The following SPATS2L variants were observed in gnomAD, a reference collection of about 807,000 sequenced individuals.
SPATS2L encodes spermatogenesis associated serine rich 2 like.
A neutral mutation model predicts 59.6 loss-of-function variants in SPATS2L; 30 were observed. That is an observed-to-expected ratio of 0.50 (90% CI 0.38 to 0.68). SPATS2L has a LOEUF of 0.68. SPATS2L is among the 30% of genes least tolerant of loss of function. The pLI is 0.00. For missense variants in SPATS2L, 615 were observed against 700.0 expected, an observed-to-expected ratio of 0.88 and a Z score of 1.37; for synonymous variants, 252 against 263.5, an observed-to-expected ratio of 0.96 and a Z score of 0.42.
At chr2:200,408,721 C>T (rs548881541) in intron 3 of SPATS2L, among the ~76,000 whole-genome samples, 26 of 152,358 alleles carry the variant, frequency 1.7e-4, no homozygotes, top group African/African-American at 6.3e-4. Flanking sequence ...CCATGAAAGT[C>T]ACACTGCCTC....
intron 1 of SPATS2L, among the ~76,000 whole-genome samples, chr2:200,314,220 C>G (rs1192283506): frequency 1.3e-5 from 2 of 152,214 alleles, no homozygotes; most frequent in African/African-American, 4.8e-5. Flanking sequence ...TGTTTTCTAT[C>G]TCAATGAATG....
intron 1 of SPATS2L, 118 bp from the exon 2 acceptor site, chr2:200,329,313 G>T: frequency 2.4e-6 from 2 of 831,868 alleles, no homozygotes; most frequent in Non-Finnish European, 4.0e-6. Context: ...GGGTGAGGAC[G>T]AATTCCCTGT....
intron 2 of SPATS2L, among the ~76,000 whole-genome samples, chr2:200,382,379 A>T (rs895314161): frequency 6.6e-6 from 1 of 152,154 alleles, no homozygotes; most frequent in Non-Finnish European, 1.5e-5. Context: ...CCAGCCAAAA[A>T]TAGCCATTTC....
chr2:200,421,841 A>G (rs2083318204), intron 6 of SPATS2L, among the ~76,000 whole-genome samples: 1 of 149,102 alleles, frequency 6.7e-6, no homozygotes, highest in Non-Finnish European at 1.5e-5. Flanking sequence ...CTTTCACATG[A>G]ATTACTTTCA....
At chr2:200,470,507 A>G (rs2086946306) in intron 11 of SPATS2L, among the ~76,000 whole-genome samples, 1 of 152,204 alleles carries the variant, frequency 6.6e-6, no homozygotes, top group Admixed American at 6.5e-5. Flanking sequence ...TCACTCAGCC[A>G]TTAGCTTTAG....
intron 2 of SPATS2L, among the ~76,000 whole-genome samples, chr2:200,359,317 C>G (rs1041548799): frequency 1.3e-5 from 2 of 152,162 alleles, no homozygotes; most frequent in Non-Finnish European, 2.9e-5. Context: ...TCACTACAGA[C>G]TCTTCTGAGC....
intron 5 of SPATS2L, among the ~76,000 whole-genome samples, chr2:200,418,431 G>A (rs2083158229): frequency 6.6e-6 from 1 of 152,014 alleles, no homozygotes; most frequent in African/African-American, 2.4e-5. Flanking sequence ...AAAAATAGCT[G>A]CATGTGGTGG....
chr2:200,315,806 A>T (rs942873441), intron 1 of SPATS2L, among the ~76,000 whole-genome samples: 1 of 149,392 alleles, frequency 6.7e-6, no homozygotes, highest in African/African-American at 2.5e-5. Context: ...GCCTTAAGAG[A>T]TATGCAGAGC....
intron 6 of SPATS2L, among the ~76,000 whole-genome samples, chr2:200,422,686 A>T (rs1237711612): frequency 6.6e-6 from 1 of 152,304 alleles, no homozygotes; most frequent in East Asian, 1.9e-4. Flanking sequence ...ATGAGTTTTT[A>T]GCTATAGTAA....
At chr2:200,419,146 C>G in intron 5 of SPATS2L, 104 bp from the exon 6 acceptor site, 1 of 1,205,582 alleles carries the variant, frequency 8.3e-7, no homozygotes, top group Non-Finnish European at 1.1e-6. Flanking sequence ...TAAGAAGAGC[C>G]AGGAACCAAA....
chr2:200,345,479 A>T (rs1246877491), intron 2 of SPATS2L, among the ~76,000 whole-genome samples: 1 of 152,206 alleles, frequency 6.6e-6, no homozygotes, highest in Non-Finnish European at 1.5e-5. Context: ...ACTACTCTAT[A>T]GTACATTTGA....
intron 2 of SPATS2L, among the ~76,000 whole-genome samples, chr2:200,340,997 G>GT (rs1478015769): frequency 6.6e-6 from 1 of 152,196 alleles, no homozygotes; most frequent in Non-Finnish European, 1.5e-5. Flanking sequence ...GATAGCGCTT[G>GT]TGGCCCTAAA....
At chr2:200,363,544 A>G (rs116096830) in intron 2 of SPATS2L, among the ~76,000 whole-genome samples, 3 of 152,388 alleles carry the variant, frequency 2.0e-5, no homozygotes, top group Admixed American at 6.5e-5. Flanking sequence ...AATAAAAACC[A>G]TGGCAGAATT....
At chr2:200,374,601 T>A (rs2081537749) in intron 2 of SPATS2L, among the ~76,000 whole-genome samples, 1 of 152,012 alleles carries the variant, frequency 6.6e-6, no homozygotes, top group Admixed American at 6.6e-5. Flanking sequence ...CCTCTACATG[T>A]AGTGTCTGGC....
At chr2:200,429,103 C>T (rs895332828) in intron 6 of SPATS2L, among the ~76,000 whole-genome samples, 3 of 152,210 alleles carry the variant, frequency 2.0e-5, no homozygotes, top group Admixed American at 2.0e-4. Context: ...ACTCCACCCT[C>T]CTTGCATGGC....
At chr2:200,307,607 C>G (rs2079067501) in intron 1 of SPATS2L, among the ~76,000 whole-genome samples, 1 of 152,246 alleles carries the variant, frequency 6.6e-6, no homozygotes, top group Non-Finnish European at 1.5e-5. Context: ...GCTGCGGACC[C>G]CAGCGGGAGA....
intron 3 of SPATS2L, among the ~76,000 whole-genome samples, chr2:200,396,024 A>T (rs1208528448): frequency 1.9e-4 from 9 of 48,442 alleles, no homozygotes; most frequent in Admixed American, 3.0e-4. Flanking sequence ...AAAAAAAAAA[A>T]AAAAAAAAAA....
upstream of SPATS2L, chr2:200,306,496 C>A: frequency 3.0e-6 from 3 of 1,002,240 alleles, no homozygotes; most frequent in Non-Finnish European, 3.6e-6. Flanking sequence ...GGGACGAGAT[C>A]TGTGTCAGAA....
chr2:200,450,568 T>C (rs556617829), intron 8 of SPATS2L, among the ~76,000 whole-genome samples: 1 of 152,320 alleles, frequency 6.6e-6, no homozygotes, highest in African/African-American at 2.4e-5. Flanking sequence ...AATAGATAGA[T>C]GAATGTGTGT....
Sources: gnomAD v4.1 joint callset for allele counts (sites outside exome capture counted in the v4.1 genomes callset) on GRCh38, gnomAD v4.1.1 for gene constraint, MANE v1.5 for transcripts, NCBI Gene and HGNC (gene_info 2026-07-23, HGNC 2026-07-21) for gene names.